ODAD4: variants seen among roughly 807,000 people sequenced by gnomAD.
ODAD4 encodes outer dynein arm docking complex subunit 4.
ODAD4 carries 49 observed loss-of-function variants against 51.8 expected under a neutral mutation model. The ratio of observed to expected loss-of-function variants is 0.95; its 90% CI spans 0.75 to 1.20. The LOEUF (loss-of-function observed/expected upper bound fraction) is 1.20. Ranked by LOEUF, ODAD4 falls within the 50% of genes most tolerant of loss-of-function variation. The pLI, the probability that ODAD4 is intolerant of heterozygous loss-of-function variation, is 0.00. For synonymous variants in ODAD4, 235 were observed against 221.3 expected, an observed-to-expected ratio of 1.06 and a Z score of -0.55; for missense variants, 590 against 586.5, an observed-to-expected ratio of 1.01 and a Z score of -0.06.
chr17:41,940,116 T>A (rs1555638504), intron 7 of ODAD4, among the ~76,000 whole-genome samples: 1 of 152,180 alleles, frequency 6.6e-6, no homozygotes, highest in African/African-American at 2.4e-5. Context: ...CATTCTTGAC[T>A]TCCTCCTGCC....
intron 7 of ODAD4, among the ~76,000 whole-genome samples, chr17:41,944,798 AAG>A (rs1174313127): frequency 1.3e-5 from 2 of 152,062 alleles, no homozygotes; most frequent in Non-Finnish European, 2.9e-5. Context: ...CAAAAAAAAA[AAG>A]TAATTATTTT....
At chr17:41,943,375 C>T (rs924748001) in intron 7 of ODAD4, among the ~76,000 whole-genome samples, 12 of 152,188 alleles carry the variant, frequency 7.9e-5, no homozygotes, top group African/African-American at 2.9e-4. Flanking sequence ...GACCACCAAA[C>T]AGGCTTTGTG....
At chr17:41,933,994 T>G (rs2050387554) in intron 1 of ODAD4, among the ~76,000 whole-genome samples, 1 of 151,118 alleles carries the variant, frequency 6.6e-6, no homozygotes, top group Admixed American at 6.6e-5. Flanking sequence ...TTTTCTTTCT[T>G]GTTTTTCATT....
intron 7 of ODAD4, among the ~76,000 whole-genome samples, chr17:41,940,268 TC>T (rs1310455115): frequency 6.6e-6 from 1 of 152,026 alleles, no homozygotes; most frequent in Non-Finnish European, 1.5e-5. Context: ...CCCACAAATC[TC>T]CAGAGACACA....
intron 7 of ODAD4, among the ~76,000 whole-genome samples, chr17:41,941,203 CTA>C (rs2050500334): frequency 6.6e-6 from 1 of 152,188 alleles, no homozygotes; most frequent in Admixed American, 6.5e-5. Context: ...CCTGGGCTTC[CTA>C]CAGTTCAGCT....
In ODAD4 at chr17:41,934,044, T is replaced by TC. The variant is rs1485474679; in HGVS notation, c.115-1173_115-1172insC. Among the ~76,000 whole-genome samples the TC allele has an allele frequency of 3.3e-5, 4 of 121,136 alleles. No homozygotes were observed. The East Asian group carries it at 7.4e-4, about 22-fold the overall frequency. 79.5% of individuals were successfully genotyped at this position (121,136 alleles called of 152,430 possible). A position where few individuals can be genotyped will look rare whatever the true frequency, so the allele number is the denominator to read the frequency against. On this transcript the variant is annotated intron_variant, in intron 1 of 11. Transcript: ENST00000377540. Reference sequence around the variant, plus strand: ...CTTTCTTTTTTCTTTCTTTCTTTTTTTTTTTTTTTTTTTTTGAGACAGCGT... The same window carrying TC: ...CTTTCTTTTTTCTTTCTTTCTTTTTTCTTTTTTTTTTTTTTTGAGACAGCGT...
At chr17:41,950,957 G>A (rs919190411) in intron 9 of ODAD4, among the ~76,000 whole-genome samples, 3 of 151,258 alleles carry the variant, frequency 2.0e-5, no homozygotes, top group Non-Finnish European at 2.9e-5. Context: ...TGATCTGCCC[G>A]CCTCTGCCTC....
At chr17:41,951,654 C>A (rs1303278785) in intron 9 of ODAD4, among the ~76,000 whole-genome samples, 1 of 150,344 alleles carries the variant, frequency 6.7e-6, no homozygotes, top group African/African-American at 2.4e-5. Context: ...GAGGCCGAGG[C>A]AGGTGGATCA....
intron 7 of ODAD4, among the ~76,000 whole-genome samples, chr17:41,942,266 C>T (rs893402346): frequency 6.6e-6 from 1 of 152,176 alleles, no homozygotes; most frequent in African/African-American, 2.4e-5. Context: ...AAATGAGCCT[C>T]ACCCAGGCTT....
chr17:41,930,867 C>T (rs782226379), intron 1 of ODAD4, 30 bp downstream of exon 1: 1 of 937,036 alleles, frequency 1.1e-6, no homozygotes, highest in South Asian at 1.5e-5. Context: ...TATCCATCAC[C>T]CCATCACCCG....
Position 41,936,924 on chromosome 17 carries a change from G to A in ODAD4, c.622G>A (p.Glu208Lys). 6.2e-7 allele frequency: 1 copy of A among 1,613,740 alleles called. No homozygotes were observed. Among genetic ancestry groups the A allele is most frequent in the Non-Finnish European group, 8.5e-7 (1 of 1,179,678 alleles). ...GTATTTGGAGAAGCTCCTATTGGAT[G>A]AAGGTTTCGGACACTTTGTTGGCAC... The part of the protein sequence containing the change: ...KEYLEKLLLD[E>K]DLIKGTMKGG... Residue 208 changes from glutamate to lysine, a missense_variant, in exon 5 of 12, where the codon GAA becomes AAA. By Grantham distance (56) the Glu-to-Lys change is moderately conservative. Transcript: ENST00000377540.
At chr17:41,947,077 C>T (rs1555639770) in intron 8 of ODAD4, among the ~76,000 whole-genome samples, 43 of 150,782 alleles carry the variant, frequency 2.9e-4, no homozygotes, top group African/African-American at 9.5e-4. Flanking sequence ...CTCCAACTCC[C>T]GACCTCAGGT....
intron 7 of ODAD4, among the ~76,000 whole-genome samples, chr17:41,944,391 TACACACACACACAC>T (rs1158342629): frequency 8.9e-5 from 7 of 78,706 alleles, no homozygotes; most frequent in African/African-American, 3.3e-4. Flanking sequence ...CAAACACACA[TACACACACACACAC>T]ACACACACAC....
rs1034829003 is a variant in ODAD4 at position 41,935,471 on chromosome 17, G to A, written c.246+123G>A. On this transcript the variant is annotated intron_variant, in intron 2 of 11. Coordinates refer to ENST00000377540, the MANE Select transcript of ODAD4 (RefSeq NM_031421.5). ...GTTTGATGCCATTTTCTCTTCCTAG[G>A]TCATTGCCTAAGTCCCTGCCCCCTG... The A allele has an allele frequency of 6.0e-6, 9 of 1,509,820 alleles. No individual in the cohort carries two copies. The African/African-American group carries it at 8.3e-5, about 14-fold the overall frequency. The allele number at this position is 1,509,820 out of a possible 1,614,324, so 93.5% of individuals were successfully genotyped here. A position where few individuals can be genotyped will look rare whatever the true frequency, so the allele number is the denominator to read the frequency against.
chr17:41,935,847 A>G, intron 3 of ODAD4, 98 bp downstream of exon 3: 1 of 1,418,442 alleles, frequency 7.0e-7, no homozygotes. Flanking sequence ...AGCCACCACC[A>G]GGCCCGCAGG....
At chr17:41,931,800 C>G (rs554139340) in intron 1 of ODAD4, among the ~76,000 whole-genome samples, 3 of 152,246 alleles carry the variant, frequency 2.0e-5, no homozygotes, top group East Asian at 1.9e-4. Flanking sequence ...CCTCGGCCCC[C>G]CAAAGTGCTG....
intron 8 of ODAD4, among the ~76,000 whole-genome samples, chr17:41,947,442 G>A (rs1199625517): frequency 6.6e-6 from 1 of 151,210 alleles, no homozygotes; most frequent in African/African-American, 2.4e-5. Flanking sequence ...CCGAGATCAC[G>A]CCACTGCACT....
intron 9 of ODAD4, among the ~76,000 whole-genome samples, chr17:41,950,667 C>T (rs1057455883): frequency 2.0e-5 from 3 of 151,868 alleles, no homozygotes; most frequent in African/African-American, 7.3e-5. Context: ...TGAGCCACTG[C>T]GCCTGGCCGA....
chr17:41,946,974 C>T (rs1265417522), intron 8 of ODAD4, among the ~76,000 whole-genome samples: 1 of 151,928 alleles, frequency 6.6e-6, no homozygotes, highest in Non-Finnish European at 1.5e-5. Flanking sequence ...CCTCAGCCTC[C>T]TGAGTAGTGG....
Sources: gnomAD v4.1 joint callset for allele counts (sites outside exome capture counted in the v4.1 genomes callset) on GRCh38, gnomAD v4.1.1 for gene constraint, MANE v1.5 for transcripts, NCBI Gene and HGNC (gene_info 2026-07-23, HGNC 2026-07-21) for gene names.